Variants in MYO5B observed in about 807,000 individuals in gnomAD.
MYO5B encodes the protein myosin VB.
A neutral mutation model predicts 229.3 loss-of-function variants in MYO5B; 143 were observed. The ratio of observed to expected loss-of-function variants is 0.62; its 90% CI spans 0.54 to 0.72. MYO5B has a LOEUF of 0.72. MYO5B is among the 30% of genes least tolerant of loss of function. The pLI is 0.00. For missense variants in MYO5B, 2,321 were observed against 2,331.0 expected (o/e 1.00, Z 0.09); for synonymous variants, 918 against 885.2 (o/e 1.04, Z -0.66).
At chr18:50,013,671 A>C (rs2026185752) in intron 4 of MYO5B, among the ~76,000 whole-genome samples, 1 of 152,214 alleles carries the variant, frequency 6.6e-6, no homozygotes, top group Non-Finnish European at 1.5e-5. Context: ...TTGCAATAAA[A>C]TAGTAGACTT....
rs2025919154 is a variant in MYO5B at position 49,990,519 on chromosome 18, G to A, written c.758C>T (p.Ala253Val). 1.2e-6 allele frequency: 2 copies of A among 1,613,122 alleles called. No homozygotes were observed. Among genetic ancestry groups the A allele is most frequent in the African/African-American group, 1.3e-5 (1 of 75,026 alleles). The change falls in exon 7 of 40, where the codon GCA (alanine) becomes GTA (valine). Residue 253 changes from alanine to valine, a missense_variant and splice_region_variant. This residue lies in a region of MYO5B where 2,113 missense variants were observed against 2,044.7 expected (regional missense o/e 1.03). Coordinates refer to ENST00000285039, the MANE Select transcript of MYO5B (RefSeq NM_001080467.3). The stretch of plus-strand genomic sequence containing the variant: ...GATGTGGTAATTCCTCTCATCATCT[G>A]CCTGGAGGAGGAAGAAGTGAAGCAG... ...LLEKSRVVFQ[A>V]DDERNYHIFY...
intron 1 of MYO5B, among the ~76,000 whole-genome samples, chr18:50,078,736 T>C (rs1201271726): frequency 6.6e-6 from 1 of 152,300 alleles, no homozygotes; most frequent in African/African-American, 2.4e-5. Context: ...ATTCTCCTCC[T>C]AGATACATGC....
At position 49,963,424 on chromosome 18, in the gene MYO5B, A is replaced by C. The variant is rs573800325; in HGVS notation, c.1323-394T>G. Among the ~76,000 whole-genome samples the C allele has an allele frequency of 3.9e-4, 59 of 150,054 alleles. 1 individual carries two copies. The East Asian group carries it at 7.2e-3, about 18-fold the overall frequency. On this transcript the variant is annotated intron_variant, in intron 10 of 39. Coordinates refer to ENST00000285039, the MANE Select transcript of MYO5B (RefSeq NM_001080467.3). ...ATTTAATTAATTAATTAATTTATTTATTTATTTATTTATTTTGAGACATGG... is the reference window on the plus strand; with the variant it reads ...ATTTAATTAATTAATTAATTTATTTCTTTATTTATTTATTTTGAGACATGG...
In MYO5B at chr18:49,849,642, C is replaced by T. The variant is rs76213287; in HGVS notation, c.4240G>A (p.Glu1414Lys). The T allele has an allele frequency of 7.3e-4, 1,186 of 1,613,820 alleles. No individual in the cohort carries two copies. Among genetic ancestry groups the T allele is most frequent in the Non-Finnish European group, 9.5e-4 (1,120 of 1,179,800 alleles). The change falls in exon 32 of 40, where the codon GAA (glutamate) becomes AAA (lysine). Residue 1414 changes from glutamate to lysine, a missense_variant. By Grantham distance (56) the Glu-to-Lys change is moderately conservative. This residue lies in a region of MYO5B where 2,113 missense variants were observed against 2,044.7 expected (regional missense o/e 1.03). Coordinates refer to ENST00000285039, the MANE Select transcript of MYO5B (RefSeq NM_001080467.3). ...TTCCTCTCATTCTTTTCCAGCTTTT[C>T]TACCAGTTCTTTAAGGTCCTGGAAG... ...NENLDLKELV[E>K]KLEKNERKLK...
intron 1 of MYO5B, among the ~76,000 whole-genome samples, chr18:50,181,342 GAT>G (rs35664468): frequency 0.51 from 77,656 of 151,726 alleles, 19,986 homozygotes; most frequent in Admixed American, 0.59. Context: ...TACATTTATT[GAT>G]CACTGGGAAC....
chr18:49,949,197 GT>G (rs1428236321), intron 14 of MYO5B, among the ~76,000 whole-genome samples: 1 of 152,178 alleles, frequency 6.6e-6, no homozygotes, highest in African/African-American at 2.4e-5. Context: ...CCCACAGCTT[GT>G]CCCTCTGACC....
Position 49,895,024 on chromosome 18 carries a change from G to C in MYO5B, c.2962C>G (p.Leu988Val). The change falls in exon 22 of 40, where the codon CTG becomes GTG. Residue 988 changes from leucine to valine, a missense_variant. Coordinates refer to ENST00000285039, the MANE Select transcript of MYO5B (RefSeq NM_001080467.3). ...TGGGCCCTCTGCAGCTCTGTGCGCA[G>C]GCTCTCCACCTCCTCCTGCAGCCTG... ...SLRLQEEVES[L>V]RTELQRAHSE... is the part of the protein sequence containing the mutation. 1 of 1,613,982 alleles carries C rather than the reference G, an allele frequency of 6.2e-7. No homozygotes were observed. Among genetic ancestry groups the C allele is most frequent in the Non-Finnish European group, 8.5e-7 (1 of 1,180,032 alleles).
intron 2 of MYO5B, among the ~76,000 whole-genome samples, chr18:50,054,474 AAAC>A (rs1381028027): frequency 1.3e-5 from 2 of 152,176 alleles, no homozygotes; most frequent in African/African-American, 4.8e-5. Context: ...GAGCTATCTG[AAAC>A]AGCAGGGCCA....
At chr18:49,878,080 T>C (rs986204905) in intron 24 of MYO5B, among the ~76,000 whole-genome samples, 198 bp from the exon 25 acceptor site, 2 of 152,162 alleles carry the variant, frequency 1.3e-5, no homozygotes, top group African/African-American at 4.8e-5. Flanking sequence ...AGTCATCCAC[T>C]TTTCATCTCT....
intron 5 of MYO5B, among the ~76,000 whole-genome samples, chr18:50,000,369 G>A (rs2144325473): frequency 6.6e-6 from 1 of 152,254 alleles, no homozygotes; most frequent in East Asian, 1.9e-4. Context: ...ATTAGAGATG[G>A]ACTAGATGAC....
At position 50,193,542 on chromosome 18, in the gene MYO5B, G is replaced by T. The variant is rs191878662; in HGVS notation, c.27+1225C>A. Among the ~76,000 whole-genome samples the T allele has an allele frequency of 1.4e-3, 206 of 152,362 alleles. 1 individual carries two copies. The highest frequency in any genetic ancestry group is 2.1e-3 in the Non-Finnish European group (142 of 68,032). ...ATGGGCTAGACAGCCGCGTGTGATC[G>T]CCAGGTAAGGACGCGGAAGTGACTG... is the stretch of plus-strand genomic sequence containing the variant. On this transcript the variant is annotated intron_variant, in intron 1 of 39. Coordinates refer to ENST00000285039, the MANE Select transcript of MYO5B (RefSeq NM_001080467.3).
In MYO5B at chr18:50,104,795, C is replaced by T. The variant is rs147888719; in HGVS notation, c.28-49417G>A. 2.6e-3 allele frequency among the ~76,000 whole-genome samples: 400 copies of T among 152,194 alleles called. 1 individual carries two copies. Among genetic ancestry groups the T allele is most frequent in the South Asian group, 5.6e-3 (27 of 4,806 alleles). Reference sequence around the variant, plus strand: ...ATCCAGGGAATGAACAGACATGGACCGCACAGGTAGCATCTGCCCCTTATT... The same window carrying T: ...ATCCAGGGAATGAACAGACATGGACTGCACAGGTAGCATCTGCCCCTTATT... On this transcript the variant is annotated intron_variant, in intron 1 of 39. Coordinates refer to ENST00000285039, the MANE Select transcript of MYO5B (RefSeq NM_001080467.3).
chr18:49,998,974 C>G (rs1362353682), intron 5 of MYO5B, among the ~76,000 whole-genome samples: 1 of 152,154 alleles, frequency 6.6e-6, no homozygotes, highest in Non-Finnish European at 1.5e-5. Flanking sequence ...AAACTGTACA[C>G]TTAAAATGGT....
chr18:49,896,326 TTCAA>T (rs2024778718), intron 21 of MYO5B, among the ~76,000 whole-genome samples: 2 of 152,122 alleles, frequency 1.3e-5, no homozygotes, highest in Admixed American at 1.3e-4. Flanking sequence ...CTGACACACC[TTCAA>T]GCCTGGTCTG....
chr18:50,010,533 T>C (rs2026150653), intron 4 of MYO5B, among the ~76,000 whole-genome samples: 2 of 152,226 alleles, frequency 1.3e-5, no homozygotes, highest in East Asian at 3.8e-4. Flanking sequence ...GCTACTCCTA[T>C]ATTCTGTGAT....
intron 7 of MYO5B, among the ~76,000 whole-genome samples, chr18:49,987,210 C>G (rs1159465747): frequency 2.6e-5 from 4 of 152,176 alleles, no homozygotes; most frequent in Admixed American, 2.0e-4. Flanking sequence ...CTTCCTCAGA[C>G]TGAGGCTTGT....
intron 30 of MYO5B, among the ~76,000 whole-genome samples, chr18:49,855,285 T>A (rs2024249223): frequency 6.6e-6 from 1 of 152,290 alleles, no homozygotes; most frequent in Admixed American, 6.5e-5. Context: ...TGTTCCTACT[T>A]AAACATTAGG....
chr18:49,912,296 A>C, intron 17 of MYO5B, 123 bp from the exon 18 acceptor site: 1 of 778,482 alleles, frequency 1.3e-6, no homozygotes. Context: ...TTCTCAGAGC[A>C]GCAAAGAACA....
intron 4 of MYO5B, among the ~76,000 whole-genome samples, chr18:50,014,413 A>T (rs2026195468): frequency 6.6e-6 from 1 of 152,068 alleles, no homozygotes; most frequent in Admixed American, 6.6e-5. Flanking sequence ...AAGTTATTTC[A>T]TTTCTGTAAA....
Sources: allele counts gnomAD v4.1 joint callset (sites outside exome capture counted in the v4.1 genomes callset), GRCh38; gene constraint gnomAD v4.1.1; regional missense constraint gnomAD v4.1.1; transcripts MANE v1.5; gene names NCBI Gene and HGNC (gene_info 2026-07-23, HGNC 2026-07-21).